ZFHX3: variants seen among roughly 807,000 people sequenced by gnomAD.
The protein encoded by ZFHX3 is zinc finger homeobox 3.
Under a neutral mutation model 279.1 loss-of-function variants are expected in ZFHX3, and 42 were observed. The ratio of observed to expected loss-of-function variants is 0.15; its 90% CI spans 0.12 to 0.19. ZFHX3 has a LOEUF of 0.19. Ranked by LOEUF, ZFHX3 falls within the 10% of genes least tolerant of loss-of-function variation. The probability of loss-of-function intolerance (pLI) is 1.00; values close to 1 mark genes in which losing one functional copy is unlikely to be tolerated. For synonymous variants in ZFHX3, 2,293 were observed against 1,957.8 expected, an observed-to-expected ratio of 1.17 and a Z score of -4.52; for missense variants, 4,981 against 4,754.0, an observed-to-expected ratio of 1.05 and a Z score of -1.40.
At chr16:73,385,312 G>A (rs187783998) in intron 3 of ZFHX3, among the ~76,000 whole-genome samples, 1 of 152,170 alleles carries the variant, frequency 6.6e-6, no homozygotes, top group East Asian at 1.9e-4. Flanking sequence ...AAAACTTTCC[G>A]TCTGACTGTG....
intron 3 of ZFHX3, among the ~76,000 whole-genome samples, chr16:73,435,804 G>A (rs76552280): frequency 6.6e-6 from 1 of 152,272 alleles, no homozygotes; most frequent in East Asian, 1.9e-4. Context: ...TCACCCTCAG[G>A]ACCTTAGGAA....
intron 1 of ZFHX3, among the ~76,000 whole-genome samples, chr16:73,036,496 T>A (rs147165356): frequency 6.6e-6 from 1 of 152,110 alleles, no homozygotes; most frequent in African/African-American, 2.4e-5. Context: ...CAAAGCTCTA[T>A]GATACGCTTC....
At chr16:73,041,382 C>T (rs1014230087) in intron 1 of ZFHX3, among the ~76,000 whole-genome samples, 6 of 149,032 alleles carry the variant, frequency 4.0e-5, no homozygotes, top group South Asian at 2.1e-4. Flanking sequence ...AAACCAGCTT[C>T]GACTGCCTCC....
At chr16:73,194,170 CTTT>C in intron 5 of ZFHX3, among the ~76,000 whole-genome samples, 1 of 152,190 alleles carries the variant, frequency 6.6e-6, no homozygotes, top group Middle Eastern at 3.4e-3. Flanking sequence ...TTAGGAACTT[CTTT>C]TTTATTTTAT....
intron 3 of ZFHX3, among the ~76,000 whole-genome samples, chr16:73,353,011 G>A (rs2016275857): frequency 6.6e-6 from 1 of 152,168 alleles, no homozygotes; most frequent in Non-Finnish European, 1.5e-5. Context: ...AGCAGGACAC[G>A]AAGAGATGTG....
chr16:72,988,634 G>A (rs1360236937), intron 1 of ZFHX3, among the ~76,000 whole-genome samples: 2 of 152,182 alleles, frequency 1.3e-5, no homozygotes, highest in Non-Finnish European at 2.9e-5. Context: ...CAACAGGTCA[G>A]GGTTCACCCA....
At chr16:72,902,870 C>T (rs1231099303) in intron 3 of ZFHX3, among the ~76,000 whole-genome samples, 1 of 152,100 alleles carries the variant, frequency 6.6e-6, no homozygotes. Flanking sequence ...CTGACAGTCG[C>T]GCAGGCCAGC....
intron 3 of ZFHX3, among the ~76,000 whole-genome samples, chr16:73,441,870 A>C (rs942751948): frequency 1.3e-5 from 2 of 152,234 alleles, no homozygotes; most frequent in Non-Finnish European, 2.9e-5. Context: ...TGTAAACTGA[A>C]ATGTGCTACA....
chr16:73,683,132 C>G (rs1471255507), intron 1 of ZFHX3, among the ~76,000 whole-genome samples: 1 of 152,080 alleles, frequency 6.6e-6, no homozygotes. Context: ...ATACTTTTGT[C>G]TAGTAAAGAA....
At chr16:72,844,533 T>C (rs1161677437) in intron 4 of ZFHX3, among the ~76,000 whole-genome samples, 1 of 152,046 alleles carries the variant, frequency 6.6e-6, no homozygotes, top group Non-Finnish European at 1.5e-5. Flanking sequence ...CCAGGAAATG[T>C]ATTTTAAGGC....
chr16:73,165,180 C>CA (rs1967330328), intron 5 of ZFHX3, among the ~76,000 whole-genome samples: 1 of 152,148 alleles, frequency 6.6e-6, no homozygotes. Flanking sequence ...TCAGAGGGAA[C>CA]ACAGGGAGGG....
Position 72,787,968 on chromosome 16 carries a change from C to T in ZFHX3, c.10308G>A (p.Pro3436=), listed in dbSNP as rs368345791. ...NTPREVSPLL[P]KLPEEPEAES... is the part of the protein sequence containing the mutation. ...CTGCTTCTGGCTCTTCAGGGAGTTT[C>T]GGCAGGAGGGGGGACACCTCACGGG... Residue 3436 remains proline (P), a synonymous_variant, in exon 10 of 10, where the codon CCG becomes CCA. Transcript: ENST00000268489. 257 of 1,612,846 alleles carry T rather than the reference C, an allele frequency of 1.6e-4. No homozygotes were observed. The highest frequency in any genetic ancestry group is 2.1e-4 in the Non-Finnish European group (244 of 1,179,840).
intron 7 of ZFHX3, among the ~76,000 whole-genome samples, chr16:73,094,987 G>A (rs906759809): frequency 6.6e-5 from 10 of 152,208 alleles, no homozygotes; most frequent in African/African-American, 2.4e-4. Context: ...TGGGATTACA[G>A]GCATGAGCCA....
chr16:73,416,128 A>C (rs2017572720), intron 3 of ZFHX3, among the ~76,000 whole-genome samples: 1 of 151,124 alleles, frequency 6.6e-6, no homozygotes, highest in African/African-American at 2.4e-5. Context: ...ATCTCAAAAA[A>C]AAAAAAAAAA....
At chr16:73,147,673 C>T (rs2144841963) in intron 5 of ZFHX3, among the ~76,000 whole-genome samples, 1 of 112,490 alleles carries the variant, frequency 8.9e-6, no homozygotes, top group African/African-American at 3.5e-5. Context: ...GCCTGGGCGA[C>T]AGAGCGAGAC....
rs753027373 is a variant in ZFHX3 at position 73,055,694 on chromosome 16, G to GCACACACACACACACA, written c.-24+2835_-24+2836insTGTGTGTGTGTGTGTG. 5.2e-3 allele frequency among the ~76,000 whole-genome samples: 716 copies of GCACACACACACACACA among 138,052 alleles called. 5 individuals carry two copies. The highest frequency in any genetic ancestry group is 9.8e-3 in the South Asian group (40 of 4,062). 90.6% of individuals were successfully genotyped at this position (138,052 alleles called of 152,430 possible). The stretch of plus-strand genomic sequence containing the variant: ...TGCAGACGTACGCGCGCGCGCGCGC[G>GCACACACACACACACA]CGCGCACACACACACACACACACAC... On this transcript the variant is annotated intron_variant, in intron 1 of 8. Transcript: ENST00000397992.
At chr16:73,629,377 A>G (rs894525283) in intron 2 of ZFHX3, among the ~76,000 whole-genome samples, 4 of 149,918 alleles carry the variant, frequency 2.7e-5, no homozygotes, top group South Asian at 2.1e-4. Flanking sequence ...CTTCTTAGGG[A>G]AAAAAAAAAG....
intron 1 of ZFHX3, chr16:73,016,030 A>G (rs1034357427): frequency 2.6e-5 from 4 of 152,200 alleles, no homozygotes; most frequent in Non-Finnish European, 5.9e-5. Flanking sequence ...CCACAGAGCG[A>G]TTTCTGAATC....
At chr16:73,363,452 C>T (rs2016469122) in intron 3 of ZFHX3, among the ~76,000 whole-genome samples, 1 of 152,182 alleles carries the variant, frequency 6.6e-6, no homozygotes, top group Non-Finnish European at 1.5e-5. Flanking sequence ...CATTTTATCT[C>T]CATCTCCTCA....
Sources: gnomAD v4.1 joint callset for allele counts (sites outside exome capture counted in the v4.1 genomes callset) on GRCh38, gnomAD v4.1.1 for gene constraint, MANE v1.5 for transcripts, NCBI Gene and HGNC (gene_info 2026-07-23, HGNC 2026-07-21) for gene names.